Variants in PPFIBP2 observed in about 807,000 individuals in gnomAD.
The protein encoded by PPFIBP2 is liprin-beta-2.
PPFIBP2 carries 118 observed loss-of-function variants against 118.3 expected under a neutral mutation model. The observed-to-expected ratio is 1.00, with a 90% CI of 0.86 to 1.16. PPFIBP2 has a LOEUF of 1.16. Ranked by LOEUF, PPFIBP2 falls within the 50% of genes most tolerant of loss-of-function variation. PPFIBP2 has a pLI of 0.00. For synonymous variants in PPFIBP2, 414 were observed against 397.4 expected (o/e 1.04, Z -0.50); for missense variants, 1,195 against 1,073.1 (o/e 1.11, Z -1.59).
chr11:7,592,242 A>G (rs1046305127), intron 3 of PPFIBP2, among the ~76,000 whole-genome samples: 1 of 152,158 alleles, frequency 6.6e-6, no homozygotes, highest in Non-Finnish European at 1.5e-5. Context: ...TGTTGGGGCC[A>G]GCTTGGTGAC....
At chr11:7,546,934 A>G (rs1233279388) in intron 1 of PPFIBP2, among the ~76,000 whole-genome samples, 1 of 152,216 alleles carries the variant, frequency 6.6e-6, no homozygotes, top group East Asian at 1.9e-4. Context: ...ATGGGGGCAG[A>G]TACTAGGTCT....
rs776299590 is a variant in PPFIBP2, at chr11:7,593,165, G to A, written c.313G>A (p.Glu105Lys). 4.2e-5 allele frequency: 68 copies of A among 1,613,878 alleles called. No homozygotes were observed. Among genetic ancestry groups the A allele is most frequent in the Middle Eastern group, 3.3e-4 (2 of 6,084 alleles). ...QVNHHSAASN[E>K]TYQERLARLE... The stretch of plus-strand genomic sequence containing the variant: ...AAACCACCACAGTGCTGCTAGTAAT[G>A]AAACCTACCAGGAACGCTTGGCACG... Residue 105 changes from glutamate (E) to lysine (K), a missense_variant, in exon 4 of 24, where the codon GAA (glutamate) becomes AAA (lysine). Transcript: ENST00000299492.
At chr11:7,530,954 ACT>A (rs1850627179) in intron 1 of PPFIBP2, among the ~76,000 whole-genome samples, 1 of 152,030 alleles carries the variant, frequency 6.6e-6, no homozygotes, top group Non-Finnish European at 1.5e-5. Flanking sequence ...GGGAATAAAG[ACT>A]CTGCTTTATG....
At chr11:7,526,978 G>C (rs1044059600) in intron 1 of PPFIBP2, among the ~76,000 whole-genome samples, 9 of 151,934 alleles carry the variant, frequency 5.9e-5, no homozygotes, top group African/African-American at 2.2e-4. Flanking sequence ...CCTGAGACCT[G>C]GAGAACCAGG....
chr11:7,582,076 G>T (rs967085075), intron 3 of PPFIBP2, among the ~76,000 whole-genome samples: 2 of 152,100 alleles, frequency 1.3e-5, no homozygotes, highest in African/African-American at 4.8e-5. Context: ...GATCTCAGAT[G>T]ATGCGCCCGC....
At chr11:7,587,003 A>T (rs1474762477) in intron 3 of PPFIBP2, among the ~76,000 whole-genome samples, 1 of 151,900 alleles carries the variant, frequency 6.6e-6, no homozygotes, top group Non-Finnish European at 1.5e-5. Flanking sequence ...GCTCCTGTTT[A>T]TTTCTTGTTT....
At chr11:7,589,814 T>C (rs1432374792) in intron 3 of PPFIBP2, among the ~76,000 whole-genome samples, 2 of 152,200 alleles carry the variant, frequency 1.3e-5, no homozygotes, top group Non-Finnish European at 2.9e-5. Context: ...CATGCAGGGA[T>C]CCACTATCCA....
At chr11:7,562,037 G>C (rs12420515) in intron 2 of PPFIBP2, among the ~76,000 whole-genome samples, 26,675 of 152,186 alleles carry the variant, frequency 0.18, 2,407 homozygotes, top group African/African-American at 0.21. Context: ...GTTAGATTCT[G>C]ATAAGGAGTG....
chr11:7,665,247 A>C, the PPFIBP2 span: 1 of 800,596 alleles, frequency 1.2e-6, no homozygotes, highest in East Asian at 2.9e-5. Context: ...AAAAGAGGAG[A>C]ACCAGTGTGT....
intron 1 of PPFIBP2, among the ~76,000 whole-genome samples, chr11:7,542,485 T>C (rs1851900622): frequency 1.3e-5 from 2 of 152,258 alleles, no homozygotes; most frequent in Non-Finnish European, 2.9e-5. Flanking sequence ...CAGCCACCTC[T>C]TCACCTCCCC....
rs1247834801 is a variant in PPFIBP2 at position 7,624,409 on chromosome 11, G to T, written c.712-1368G>T. Among the ~76,000 whole-genome samples the T allele has an allele frequency of 2.0e-5, 3 of 152,232 alleles. No individual in the cohort carries two copies. In the East Asian group the frequency reaches 5.8e-4, roughly 29 times the overall value. On this transcript the variant is annotated intron_variant, in intron 7 of 23. Coordinates refer to ENST00000299492, the MANE Select transcript of PPFIBP2 (RefSeq NM_003621.5). ...GGGGGCTGATCAGGGTGCGTGCTCA[G>T]TCCATGCGCTGAAACTGAACACAAG...
At chr11:7,651,896 C>G (rs113892795) in intron 23 of PPFIBP2, 52 bp downstream of exon 23, 5 of 1,519,406 alleles carry the variant, frequency 3.3e-6, no homozygotes, top group African/African-American at 1.4e-5. Context: ...CTGGCCCTCA[C>G]GCAGCACAGC....
chr11:7,518,885 AGAAG>A (rs1849481542), intron 1 of PPFIBP2, among the ~76,000 whole-genome samples: 1 of 152,104 alleles, frequency 6.6e-6, no homozygotes, highest in African/African-American at 2.4e-5. Flanking sequence ...TGGGCGGGAG[AGAAG>A]GAAGAAGTCA....
intron 9 of PPFIBP2, 125 bp from the exon 10 acceptor site, chr11:7,629,332 ACT>A (rs1440086744): frequency 1.1e-6 from 1 of 884,528 alleles, no homozygotes; most frequent in African/African-American, 1.6e-5. Flanking sequence ...GGGCCTGGAC[ACT>A]CTTTTCCTTT....
intron 3 of PPFIBP2, among the ~76,000 whole-genome samples, chr11:7,579,174 C>T (rs1185713275): frequency 1.3e-5 from 2 of 152,154 alleles, no homozygotes; most frequent in Non-Finnish European, 2.9e-5. Context: ...TGGGATAGTA[C>T]AAACCCCTCA....
chr11:7,544,382 G>A (rs576967509), intron 1 of PPFIBP2, among the ~76,000 whole-genome samples: 6 of 152,266 alleles, frequency 3.9e-5, no homozygotes, highest in African/African-American at 1.2e-4. Flanking sequence ...GCGGTTGGGT[G>A]CCCCTCGTAC....
chr11:7,543,271 G>C (rs1851972429), intron 1 of PPFIBP2, among the ~76,000 whole-genome samples: 2 of 152,378 alleles, frequency 1.3e-5, no homozygotes, highest in Middle Eastern at 6.8e-3. Context: ...TTTAAGAGCA[G>C]CTATGGCTTA....
intron 3 of PPFIBP2, among the ~76,000 whole-genome samples, chr11:7,585,362 T>C (rs1163014452): frequency 6.6e-6 from 1 of 152,156 alleles, no homozygotes; most frequent in African/African-American, 2.4e-5. Context: ...CTGTTTTAGG[T>C]TTTCCCACAC....
the PPFIBP2 span, chr11:7,665,371 G>GTT: frequency 6.5e-7 from 1 of 1,544,628 alleles, no homozygotes; most frequent in African/African-American, 1.4e-5. Context: ...GCACGTGGAG[G>GTT]TGTTAGTAGG....
Sources: gnomAD v4.1 joint callset for allele counts (sites outside exome capture counted in the v4.1 genomes callset) on GRCh38, gnomAD v4.1.1 for gene constraint, MANE v1.5 for transcripts, NCBI Gene and HGNC (gene_info 2026-07-23, HGNC 2026-07-21) for gene names.